The following TRPV4 variants were observed in gnomAD, a reference collection of about 807,000 sequenced individuals.
The protein encoded by TRPV4 is transient receptor potential cation channel subfamily V member 4, also known as OSM9-like transient receptor potential channel 4.
A neutral mutation model predicts 84.1 loss-of-function variants in TRPV4; 58 were observed. The observed-to-expected ratio is 0.69, with a 90% CI of 0.56 to 0.86. The LOEUF (loss-of-function observed/expected upper bound fraction) is 0.86, where lower values mean the gene tolerates loss of function less well. Ranked by LOEUF, TRPV4 falls within the 40% of genes least tolerant of loss-of-function variation. The probability of loss-of-function intolerance (pLI) is 0.00; values close to 1 mark genes in which losing one functional copy is unlikely to be tolerated. For synonymous variants in TRPV4, 489 were observed against 500.9 expected, an observed-to-expected ratio of 0.98 and a Z score of 0.32; for missense variants, 879 against 1,181.1, an observed-to-expected ratio of 0.74 and a Z score of 3.75.
At chr12:109,811,917 G>C (rs895333873) in intron 2 of TRPV4, among the ~76,000 whole-genome samples, 2 of 151,880 alleles carry the variant, frequency 1.3e-5, no homozygotes, top group African/African-American at 4.8e-5. Context: ...TCAATTCAGG[G>C]CACATTAGGG....
At chr12:109,787,213 C>T (rs1431898038) in intron 13 of TRPV4, among the ~76,000 whole-genome samples, 1 of 152,182 alleles carries the variant, frequency 6.6e-6, no homozygotes, top group African/African-American at 2.4e-5. Flanking sequence ...CTGCCTGGAG[C>T]TTCCAACTTT....
Position 109,810,067 on chromosome 12 carries a change from TAGAG to T in TRPV4, c.387-1603_387-1600del, listed in dbSNP as rs558615265. Among the ~76,000 whole-genome samples the T allele has an allele frequency of 7.3e-3, 1,100 of 151,684 alleles. 2 individuals carry two copies. The highest frequency in any genetic ancestry group is 0.01 in the Non-Finnish European group (693 of 67,904). On this transcript the variant is annotated intron_variant, in intron 2 of 15. Transcript: ENST00000261740. ...CAGAGAGGGCTGGGAAGAGAAGAGA[TAGAG>T]AGAGAAAGGAAGGAAACAGACACTA... is the stretch of plus-strand genomic sequence containing the variant.
Position 109,814,792 on chromosome 12 carries a change from G to T in TRPV4, c.5C>A (p.Ala2Glu). 1.3e-6 allele frequency: 2 copies of T among 1,540,798 alleles called. No homozygotes were observed. Among genetic ancestry groups the T allele is most frequent in the Non-Finnish European group, 8.7e-7 (1 of 1,147,428 alleles). Reference sequence around the variant, plus strand: ...CGCGCGGGGGCCTTCGCTGGAATCCGCCATGCCTGCCCCAGGCCCGTCTGC... The same window carrying T: ...CGCGCGGGGGCCTTCGCTGGAATCCTCCATGCCTGCCCCAGGCCCGTCTGC... M[A>E]DSSEGPRAGP... Residue 2 changes from alanine to glutamate, a missense_variant, in exon 2 of 16, where the codon GCG becomes GAG. Physicochemically the swap from Ala to Glu is moderately radical, Grantham distance 107. This residue lies in a region of TRPV4 where 107 missense variants were observed against 99.4 expected (regional missense o/e 1.08). Transcript: ENST00000261740. The surrounding 1 kb of genome is among the most constrained non-coding windows in gnomAD (Gnocchi z 5.4).
At position 109,808,478 on chromosome 12, in the gene TRPV4, G is replaced by A; in HGVS notation, c.387-10C>T. The A allele has an allele frequency of 6.2e-7, 1 of 1,608,884 alleles. No homozygotes were observed. The highest frequency in any genetic ancestry group is 8.5e-7 in the Non-Finnish European group (1 of 1,176,420). On this transcript the variant is annotated splice_polypyrimidine_tract_variant and intron_variant, in intron 2 of 15. Coordinates refer to ENST00000261740, the MANE Select transcript of TRPV4 (RefSeq NM_021625.5). ...GCTCTGCGGCTGCTTCCTGGAGGAG[G>A]TAGGGAGGCAAGTTGATGGGAGGGC... is the stretch of plus-strand genomic sequence containing the variant.
intron 1 of TRPV4, among the ~76,000 whole-genome samples, chr12:109,828,482 G>A (rs892595979): frequency 6.6e-6 from 1 of 152,044 alleles, no homozygotes; most frequent in Non-Finnish European, 1.5e-5. Context: ...AAGGGCACCC[G>A]AGGTTGAAGG....
chr12:109,828,093 G>A (rs1892316631), intron 1 of TRPV4, among the ~76,000 whole-genome samples: 1 of 152,186 alleles, frequency 6.6e-6, no homozygotes, highest in African/African-American at 2.4e-5. Flanking sequence ...GGACAAGAGG[G>A]GCTGCTGTTA....
At chr12:109,831,135 C>T (rs1051204769) in intron 1 of TRPV4, among the ~76,000 whole-genome samples, 1 of 151,800 alleles carries the variant, frequency 6.6e-6, no homozygotes, top group South Asian at 2.1e-4. Context: ...TTTCCAGTCA[C>T]GTCACAAACT....
In TRPV4 at chr12:109,796,164, C is replaced by A. The variant is rs1890384415; in HGVS notation, c.1332+361G>T. On this transcript the variant is annotated intron_variant, in intron 7 of 15. Transcript: ENST00000261740. The surrounding 1 kb of genome is among the most constrained non-coding windows in gnomAD (Gnocchi z 4.2). ...TTCTAAAATTAACCTCTTTGGTCCT[C>A]CCAAGAACCCCATGGGATATCCATG... Among the ~76,000 whole-genome samples, 1 of 152,138 alleles carries A rather than the reference C, an allele frequency of 6.6e-6. No homozygotes were observed. Among genetic ancestry groups the A allele is most frequent in the African/African-American group, 2.4e-5 (1 of 41,416 alleles).
Position 109,798,720 on chromosome 12 carries a change from A to T in TRPV4, c.1046T>A (p.Leu349Gln). ...TKFVTKMYDL[L>Q]LLKCARLFPD... ...GAAGAGGCGGGCACACTTGAGCAGCAGCAGGTCGTACATCTTGGTAACAAA... is the reference window on the plus strand; with the variant it reads ...GAAGAGGCGGGCACACTTGAGCAGCTGCAGGTCGTACATCTTGGTAACAAA... Residue 349 changes from leucine (L) to glutamine (Q), a missense_variant, in exon 6 of 16, where the codon CTG becomes CAG. This residue lies in a region of TRPV4 where 521 missense variants were observed against 686.6 expected (regional missense o/e 0.76). Transcript: ENST00000261740. The surrounding 1 kb of genome is among the most constrained non-coding windows in gnomAD (Gnocchi z 5.0). 6.2e-7 allele frequency: 1 copy of T among 1,614,114 alleles called. No homozygotes were observed.
intron 1 of TRPV4, among the ~76,000 whole-genome samples, chr12:109,823,210 G>A (rs1398620442): frequency 6.6e-6 from 1 of 152,212 alleles, no homozygotes; most frequent in Non-Finnish European, 1.5e-5. Flanking sequence ...TACCTAGCAG[G>A]TCTCGGCCCA....
rs772798429 is a variant in TRPV4, at chr12:109,796,541, T to A, written c.1316A>T (p.Tyr439Phe). ...EEASVLEILV[Y>F]NSKIENRHEM... is the part of the protein sequence containing the mutation. ...GGAGCCCACCTCAATCTTGCTGTTG[T>A]ACACCAGGATCTCCAGCACGGAGGC... The change falls in exon 7 of 16, where the codon TAC becomes TTC. Residue 439 changes from tyrosine (Y) to phenylalanine (F), a missense_variant. Physicochemically the swap from Tyr to Phe is conservative, Grantham distance 22. Transcript: ENST00000261740. The surrounding 1 kb of genome is among the most constrained non-coding windows in gnomAD (Gnocchi z 4.2). The A allele has an allele frequency of 5.0e-6, 8 of 1,614,066 alleles. No individual in the cohort carries two copies. In the South Asian group the frequency reaches 6.6e-5, roughly 13 times the overall value.
intron 2 of TRPV4, among the ~76,000 whole-genome samples, chr12:109,811,817 G>C (rs1891540608): frequency 6.6e-6 from 1 of 152,008 alleles, no homozygotes; most frequent in South Asian, 2.1e-4. Context: ...GGACACGCAA[G>C]TCCAGGTCAT....
At chr12:109,819,494 A>C (rs767234329) in intron 1 of TRPV4, among the ~76,000 whole-genome samples, 32 of 152,244 alleles carry the variant, frequency 2.1e-4, no homozygotes, top group Non-Finnish European at 4.3e-4. Flanking sequence ...GAGGCACCCA[A>C]GAACGTTCCT....
chr12:109,789,835 T>C (rs1337534259), intron 12 of TRPV4, among the ~76,000 whole-genome samples: 2 of 152,252 alleles, frequency 1.3e-5, no homozygotes, highest in African/African-American at 2.4e-5. Context: ...CCGGAAAAAC[T>C]GTTCTGTGAT....
intron 2 of TRPV4, among the ~76,000 whole-genome samples, chr12:109,809,970 T>C (rs1049342144): frequency 2.0e-5 from 3 of 152,174 alleles, no homozygotes; most frequent in Non-Finnish European, 2.9e-5. Flanking sequence ...GAGTGCCTAC[T>C]GTGTGTCTGG....
chr12:109,808,590 G>T, intron 2 of TRPV4, 122 bp from the exon 3 acceptor site: 1 of 882,396 alleles, frequency 1.1e-6, no homozygotes. Context: ...ACAAGGAACA[G>T]GGTGAGGTAG....
chr12:109,824,542 G>A (rs1892198879), intron 1 of TRPV4, among the ~76,000 whole-genome samples: 1 of 151,884 alleles, frequency 6.6e-6, no homozygotes, highest in Non-Finnish European at 1.5e-5. Flanking sequence ...GATCACTTGA[G>A]GTCAGAAGTT....
intron 12 of TRPV4, 71 bp from the exon 13 acceptor site, chr12:109,788,787 A>C: frequency 7.8e-5 from 122 of 1,570,760 alleles, no homozygotes; most frequent in Non-Finnish European, 9.9e-5. Flanking sequence ...TGTCATTCTC[A>C]TTTGCTGGAG....
chr12:109,810,032 G>C (rs2136625799), intron 2 of TRPV4, among the ~76,000 whole-genome samples: 1 of 152,358 alleles, frequency 6.6e-6, no homozygotes, highest in South Asian at 2.1e-4. Context: ...GATGGCGGAA[G>C]GGTGTGGCAC....
Sources: allele counts gnomAD v4.1 joint callset (sites outside exome capture counted in the v4.1 genomes callset), GRCh38; gene constraint gnomAD v4.1.1; regional missense constraint gnomAD v4.1.1; non-coding constraint Gnocchi (gnomAD v3.1); transcripts MANE v1.5; gene names NCBI Gene and HGNC (gene_info 2026-07-23, HGNC 2026-07-21).